CA1: variants seen among roughly 807,000 people sequenced by gnomAD.
The protein encoded by CA1 is carbonate dehydratase I.
Under a neutral mutation model 28.8 loss-of-function variants are expected in CA1, and 27 were observed. The observed-to-expected ratio is 0.94, with a 90% confidence interval of 0.69 to 1.29. The LOEUF is 1.29. Among genes scored for constraint, CA1 ranks in the 50% most tolerant of loss-of-function variants. The probability of loss-of-function intolerance (pLI) is 0.00; values close to 1 mark genes in which losing one functional copy is unlikely to be tolerated. For synonymous variants in CA1, 121 were observed against 108.8 expected (o/e 1.11, Z -0.70); for missense variants, 335 against 310.5 (o/e 1.08, Z -0.59).
chr8:85,371,040 A>G (rs1006292907), intron 1 of CA1, among the ~76,000 whole-genome samples: 29 of 152,210 alleles, frequency 1.9e-4, no homozygotes, highest in African/African-American at 6.3e-4. Context: ...GCTCCCAGCT[A>G]TAGTGACTAC....
At chr8:85,357,975 T>C (rs151145404) in intron 1 of CA1, among the ~76,000 whole-genome samples, 344 of 152,346 alleles carry the variant, frequency 2.3e-3, no homozygotes, top group African/African-American at 8.0e-3. Context: ...GCAATTGTTT[T>C]TGAATGTCAA....
At chr8:85,376,658 A>AAAATAAATAAAT (rs200425469) in intron 1 of CA1, among the ~76,000 whole-genome samples, 245 of 140,136 alleles carry the variant, frequency 1.7e-3, no homozygotes, top group Non-Finnish European at 2.1e-3. Context: ...AATTGTCTCA[A>AAAATAAATAAAT]AAATAAATAA....
At chr8:85,342,508 C>G (rs1164235005) in intron 1 of CA1, among the ~76,000 whole-genome samples, 1 of 152,172 alleles carries the variant, frequency 6.6e-6, no homozygotes, top group East Asian at 1.9e-4. Context: ...AATCCAGTTC[C>G]CTTCTTCACT....
chr8:85,349,434 CAG>C (rs1450130132), intron 1 of CA1, among the ~76,000 whole-genome samples: 1 of 152,196 alleles, frequency 6.6e-6, no homozygotes, highest in African/African-American at 2.4e-5. Context: ...ATCAAACTAA[CAG>C]TAACTTTTTT....
rs1370894833 is a variant in CA1, at chr8:85,354,469, T to A, written c.-24-12810A>T. ...AAAAAGTGCTAAGACAAAATCTTGTTGGGATGATCTGTTTTTAGAGTTCTC... is the reference window on the plus strand; with the variant it reads ...AAAAAGTGCTAAGACAAAATCTTGTAGGGATGATCTGTTTTTAGAGTTCTC... On this transcript the variant is annotated intron_variant, in intron 1 of 7. Coordinates refer to ENST00000523022, the MANE Select transcript of CA1 (RefSeq NM_001128831.4). Among the ~76,000 whole-genome samples the A allele has an allele frequency of 2.0e-5, 3 of 152,118 alleles. No homozygotes were observed. The East Asian group carries it at 5.8e-4, about 29-fold the overall frequency.
At chr8:85,344,556 CT>C (rs1809102291) in intron 1 of CA1, among the ~76,000 whole-genome samples, 1 of 151,426 alleles carries the variant, frequency 6.6e-6, no homozygotes, top group East Asian at 1.9e-4. Flanking sequence ...TTTTGTTCTT[CT>C]AGTTCCTTTG....
At chr8:85,377,545 C>T (rs984744316) in intron 1 of CA1, among the ~76,000 whole-genome samples, 3 of 152,216 alleles carry the variant, frequency 2.0e-5, no homozygotes, top group African/African-American at 7.2e-5. Context: ...TGGCTCACGC[C>T]TCTAGTCCCA....
chr8:85,329,527 A>G (rs1808308044), intron 7 of CA1, among the ~76,000 whole-genome samples, 162 bp downstream of exon 7: 1 of 151,956 alleles, frequency 6.6e-6, no homozygotes, highest in Non-Finnish European at 1.5e-5. Flanking sequence ...GCATTTTTGG[A>G]TAGTTTAATA....
intron 1 of CA1, among the ~76,000 whole-genome samples, chr8:85,370,176 T>C (rs1810163112): frequency 6.6e-6 from 1 of 152,240 alleles, no homozygotes; most frequent in Non-Finnish European, 1.5e-5. Context: ...ACCTGTAATT[T>C]ATAAGCCCAT....
At chr8:85,377,161 A>T (rs1810452072) in intron 1 of CA1, among the ~76,000 whole-genome samples, 1 of 152,218 alleles carries the variant, frequency 6.6e-6, no homozygotes, top group South Asian at 2.1e-4. Flanking sequence ...CAGATATATG[A>T]ACCATATAAT....
At chr8:85,372,048 G>A (rs1810247611) in intron 1 of CA1, among the ~76,000 whole-genome samples, 2 of 152,120 alleles carry the variant, frequency 1.3e-5, no homozygotes, top group African/African-American at 4.8e-5. Context: ...CTTTTTAAGT[G>A]CAGACTACGT....
Position 85,341,667 on chromosome 8 carries a change from CAA to C in CA1, c.-24-10_-24-9del. ...CTACTGAGTTTTCTTTTTCTGAAAA[CAA>C]AAATAATACCTGGAATAACTAACTG... On this transcript the variant is annotated splice_polypyrimidine_tract_variant and intron_variant, in intron 1 of 7. Coordinates refer to ENST00000523022, the MANE Select transcript of CA1 (RefSeq NM_001128831.4). 6.9e-7 allele frequency: 1 copy of C among 1,457,070 alleles called. No homozygotes were observed. The highest frequency in any genetic ancestry group is 9.6e-7 in the Non-Finnish European group (1 of 1,037,452). 90.3% of individuals were successfully genotyped at this position (1,457,070 alleles called of 1,614,324 possible). A position where few individuals can be genotyped will look rare whatever the true frequency, so the allele number is the denominator to read the frequency against.
At chr8:85,347,140 C>T (rs1809224027) in intron 1 of CA1, among the ~76,000 whole-genome samples, 1 of 152,132 alleles carries the variant, frequency 6.6e-6, no homozygotes, top group Non-Finnish European at 1.5e-5. Context: ...TTTTTTAGCT[C>T]TTAAATCCTT....
chr8:85,366,407 T>C (rs1432688228), intron 1 of CA1, among the ~76,000 whole-genome samples: 1 of 152,244 alleles, frequency 6.6e-6, no homozygotes, highest in East Asian at 1.9e-4. Flanking sequence ...AAATAGCCAA[T>C]GGCCAACAGT....
chr8:85,377,425 C>T (rs1031090142), intron 1 of CA1, among the ~76,000 whole-genome samples: 5 of 152,144 alleles, frequency 3.3e-5, no homozygotes, highest in African/African-American at 9.7e-5. Flanking sequence ...TTTAAAGGAA[C>T]TTAATTAACC....
chr8:85,373,829 A>C (rs1348509314), intron 1 of CA1, among the ~76,000 whole-genome samples: 1 of 152,206 alleles, frequency 6.6e-6, no homozygotes, highest in Non-Finnish European at 1.5e-5. Flanking sequence ...AGCCATATAC[A>C]AAGGGACAAA....
chr8:85,362,176 T>G (rs1404533027), intron 1 of CA1, among the ~76,000 whole-genome samples: 1 of 152,182 alleles, frequency 6.6e-6, no homozygotes. Context: ...CCCTTCTCCA[T>G]CCTCAAAGCG....
Position 85,328,294 on chromosome 8 carries a change from T to C in CA1, c.*266A>G, listed in dbSNP as rs141322688. ...AAAAATAGACATACAAATCACTTAG[T>C]TGTAATTTTAAAGAATTCCTCAAAC... On this transcript the variant is annotated 3_prime_UTR_variant, in exon 8 of 8. Coordinates refer to ENST00000523022, the MANE Select transcript of CA1 (RefSeq NM_001128831.4). 515 of 260,212 alleles carry C rather than the reference T, an allele frequency of 2.0e-3. 4 individuals carry two copies. Among genetic ancestry groups the C allele is most frequent in the African/African-American group, 0.011 (485 of 44,920 alleles). The allele number at this position is 260,212 out of a possible 1,614,324, so 16.1% of individuals were successfully genotyped here.
chr8:85,338,192 T>A, intron 3 of CA1, 60 bp downstream of exon 3: 2 of 1,360,828 alleles, frequency 1.5e-6, no homozygotes, highest in Non-Finnish European at 2.1e-6. Context: ...TCGAGCACTA[T>A]TTTTTAAATT....
Sources: allele counts gnomAD v4.1 joint callset (sites outside exome capture counted in the v4.1 genomes callset), GRCh38; gene constraint gnomAD v4.1.1; transcripts MANE v1.5; gene names NCBI Gene and HGNC (gene_info 2026-07-23, HGNC 2026-07-21).